The following AGBL1 variants were observed in gnomAD, a reference collection of about 807,000 sequenced individuals.
AGBL1 encodes AGBL carboxypeptidase 1.
A neutral mutation model predicts 118.9 loss-of-function variants in AGBL1; 130 were observed. The ratio of observed to expected loss-of-function variants is 1.09; its 90% CI spans 0.95 to 1.26. The LOEUF (loss-of-function observed/expected upper bound fraction) is 1.26, where lower values mean the gene tolerates loss of function less well. Among genes scored for constraint, AGBL1 ranks in the 50% most tolerant of loss-of-function variants. The pLI is 0.00. For synonymous variants in AGBL1, 555 were observed against 478.9 expected (o/e 1.16, Z -2.08); for missense variants, 1,584 against 1,298.1 (o/e 1.22, Z -3.38).
At chr15:86,721,114 A>G (rs868384479) in intron 22 of AGBL1, among the ~76,000 whole-genome samples, 78 of 152,342 alleles carry the variant, frequency 5.1e-4, no homozygotes, top group African/African-American at 1.7e-3. Context: ...ATTCCAATCA[A>G]TAGAAAAAGA....
rs1480335521 is a variant in AGBL1 at position 86,909,878 on chromosome 15, A to T, written c.*2584A>T. 6.6e-6 allele frequency: 1 copy of T among 152,230 alleles called. No individual in the cohort carries two copies. Among genetic ancestry groups the T allele is most frequent in the African/African-American group, 2.4e-5 (1 of 41,450 alleles). 9.4% of individuals were successfully genotyped at this position (152,230 alleles called of 1,614,324 possible). A position where few individuals can be genotyped will look rare whatever the true frequency, so the allele number is the denominator to read the frequency against. On this transcript the variant is annotated 3_prime_UTR_variant, in exon 23 of 23. Transcript: ENST00000614907. ...TTCTTAAAAAACGTGACCATGACAGATAAGTTTTTATGTGGCATGTTCAGA... is the reference window on the plus strand; with the variant it reads ...TTCTTAAAAAACGTGACCATGACAGTTAAGTTTTTATGTGGCATGTTCAGA...
intron 21 of AGBL1, among the ~76,000 whole-genome samples, chr15:86,645,970 T>A (rs984035625): frequency 1.3e-5 from 2 of 152,176 alleles, no homozygotes; most frequent in Admixed American, 6.5e-5. Flanking sequence ...TGACCACATG[T>A]CAATCAGGCA....
chr15:86,483,338 G>A (rs1308211935), intron 18 of AGBL1, among the ~76,000 whole-genome samples: 1 of 152,114 alleles, frequency 6.6e-6, no homozygotes, highest in African/African-American at 2.4e-5. Context: ...GCAAAAGAGA[G>A]GGGCAGTTTA....
rs528080028 is a variant in AGBL1, at chr15:86,714,646, T to C, written c.3158+40210T>C. Among the ~76,000 whole-genome samples the C allele has an allele frequency of 1.2e-4, 18 of 152,308 alleles. No homozygotes were observed. In the South Asian group the frequency reaches 3.7e-3, roughly 32 times the overall value. Reference sequence around the variant, plus strand: ...CCTTTCAGAGCAGGCATGATTCAGCTTTCCTGACAAAGTCCTCTACTGTGG... The same window carrying C: ...CCTTTCAGAGCAGGCATGATTCAGCCTTCCTGACAAAGTCCTCTACTGTGG... On this transcript the variant is annotated intron_variant, in intron 22 of 22. Transcript: ENST00000614907.
intron 22 of AGBL1, among the ~76,000 whole-genome samples, chr15:86,865,983 A>C (rs1425354615): frequency 1.3e-5 from 2 of 152,042 alleles, no homozygotes; most frequent in Non-Finnish European, 2.9e-5. Context: ...TATCATTATC[A>C]TTTTCATTAT....
intron 18 of AGBL1, among the ~76,000 whole-genome samples, chr15:86,518,481 C>T (rs992432629): frequency 2.6e-5 from 4 of 151,962 alleles, no homozygotes; most frequent in East Asian, 1.9e-4. Context: ...ATTGACTCTT[C>T]GATAATTTCA....
At chr15:86,431,035 G>A (rs1257778333) in intron 18 of AGBL1, among the ~76,000 whole-genome samples, 3 of 152,270 alleles carry the variant, frequency 2.0e-5, no homozygotes, top group South Asian at 2.1e-4. Flanking sequence ...ACCAAGTGGC[G>A]GAGCTGGGAT....
intron 22 of AGBL1, among the ~76,000 whole-genome samples, chr15:86,874,102 A>G (rs1204520696): frequency 1.3e-5 from 2 of 152,148 alleles, no homozygotes; most frequent in Non-Finnish European, 2.9e-5. Flanking sequence ...CAGCTATGGA[A>G]GTGCTTTGTT....
At chr15:86,313,654 CA>C (rs1306783490) in intron 17 of AGBL1, among the ~76,000 whole-genome samples, 1 of 152,232 alleles carries the variant, frequency 6.6e-6, no homozygotes, top group Non-Finnish European at 1.5e-5. Context: ...AACTGTTGTT[CA>C]GACCCCAATA....
At position 86,442,517 on chromosome 15, in the gene AGBL1, A is replaced by G. The variant is rs571523815; in HGVS notation, c.2555+44971A>G. Among the ~76,000 whole-genome samples, 4 of 152,348 alleles carry G rather than the reference A, an allele frequency of 2.6e-5. No individual in the cohort carries two copies. In the East Asian group the frequency reaches 7.7e-4, roughly 29 times the overall value. ...GTCAAAGTATATTTTTAATCTTGCC[A>G]TTAATAACGATAACAGTCCTAATAA... On this transcript the variant is annotated intron_variant, in intron 18 of 22. Transcript: ENST00000614907.
chr15:86,407,887 T>C (rs1202534327), intron 18 of AGBL1, among the ~76,000 whole-genome samples: 1 of 150,444 alleles, frequency 6.6e-6, no homozygotes, highest in Non-Finnish European at 1.5e-5. Flanking sequence ...ACATTTGGCT[T>C]CTGAAATGCA....
At chr15:86,106,715 T>C (rs1218290451) in intron 1 of AGBL1, among the ~76,000 whole-genome samples, 9 of 152,258 alleles carry the variant, frequency 5.9e-5, no homozygotes, top group African/African-American at 2.4e-5. Context: ...TGATCTGGGC[T>C]GAAACTTAAA....
At chr15:86,824,414 A>C (rs2078980330) in intron 22 of AGBL1, among the ~76,000 whole-genome samples, 1 of 152,188 alleles carries the variant, frequency 6.6e-6, no homozygotes, top group Non-Finnish European at 1.5e-5. Flanking sequence ...TACAATTATA[A>C]AATGCTGAAG....
chr15:86,617,272 G>A (rs748644074), intron 21 of AGBL1, among the ~76,000 whole-genome samples: 9 of 152,180 alleles, frequency 5.9e-5, no homozygotes, highest in Non-Finnish European at 8.8e-5. Flanking sequence ...GGATTTCAGA[G>A]TCGATAGCCA....
At position 86,914,218 on chromosome 15, in the gene AGBL1, G is replaced by A. The variant is rs78843501; in HGVS notation, c.*6924G>A. ...GGGTTAAATGAATGAATGTCCTGGG[G>A]TAGAAGACTATCAACCAGACCCCAC... On this transcript the variant is annotated 3_prime_UTR_variant, in exon 23 of 23. Coordinates refer to ENST00000614907, the MANE Select transcript of AGBL1 (RefSeq NM_001386094.1). 2,033 of 152,220 alleles carry A rather than the reference G, an allele frequency of 0.013. 23 individuals are homozygous for A. Among genetic ancestry groups the A allele is most frequent in the Middle Eastern group, 0.02 (6 of 296 alleles). 9.4% of individuals were successfully genotyped at this position (152,220 alleles called of 1,614,324 possible).
At chr15:86,767,712 A>G (rs1389624673) in intron 22 of AGBL1, among the ~76,000 whole-genome samples, 1 of 151,998 alleles carries the variant, frequency 6.6e-6, no homozygotes, top group African/African-American at 2.4e-5. Flanking sequence ...TTTTTCTAAG[A>G]TCACACAGTT....
intron 22 of AGBL1, among the ~76,000 whole-genome samples, chr15:86,794,113 A>T (rs1434855272): frequency 6.6e-6 from 1 of 152,242 alleles, no homozygotes; most frequent in East Asian, 1.9e-4. Flanking sequence ...ATACCCAAGG[A>T]ATGGAAAACA....
At position 86,522,838 on chromosome 15, in the gene AGBL1, T is replaced by A. The variant is rs536557576; in HGVS notation, c.2584T>A (p.Leu862Met). ...NHRCSLSGED[L>M]NRQWLSPSAH... ...CAGATGCTCACTGAGCGGGGAAGAT[T>A]TGAACAGACAATGGCTTTCTCCCAG... Residue 862 changes from leucine (L) to methionine (M), a missense_variant, in exon 19 of 23, where the codon TTG (leucine) becomes ATG (methionine). Transcript: ENST00000614907. 9.0e-5 allele frequency: 145 copies of A among 1,613,732 alleles called. No individual in the cohort carries two copies. Among genetic ancestry groups the A allele is most frequent in the South Asian group, 1.8e-4 (16 of 91,082 alleles).
At chr15:86,212,251 A>G (rs1333382753) in intron 5 of AGBL1, among the ~76,000 whole-genome samples, 2 of 152,244 alleles carry the variant, frequency 1.3e-5, no homozygotes, top group African/African-American at 2.4e-5. Flanking sequence ...AAGAGCTTCT[A>G]GACTAATGTG....
Sources: allele counts gnomAD v4.1 joint callset (sites outside exome capture counted in the v4.1 genomes callset), GRCh38; gene constraint gnomAD v4.1.1; transcripts MANE v1.5; gene names NCBI Gene and HGNC (gene_info 2026-07-23, HGNC 2026-07-21).